The following GALNTL6 variants were observed in gnomAD, a reference collection of about 807,000 sequenced individuals.
GALNTL6 encodes polypeptide N-acetylgalactosaminyltransferase like 6.
GALNTL6 carries 46 observed loss-of-function variants against 73.7 expected under a neutral mutation model. The observed-to-expected ratio is 0.62, with a 90% CI of 0.49 to 0.80. The LOEUF is 0.80. Among genes scored for constraint, GALNTL6 ranks in the 30% least tolerant of loss-of-function variants. The pLI is 0.00. For missense variants in GALNTL6, 604 were observed against 755.0 expected (o/e 0.80, Z 2.34); for synonymous variants, 259 against 263.7 (o/e 0.98, Z 0.17).
chr4:172,633,655 T>C (rs920190100), intron 5 of GALNTL6, among the ~76,000 whole-genome samples: 2 of 152,164 alleles, frequency 1.3e-5, no homozygotes, highest in African/African-American at 4.8e-5. Context: ...GAAGGCATGA[T>C]TGGTTTTCGA....
intron 11 of GALNTL6, 64 bp from the exon 12 acceptor site, chr4:173,021,412 C>T (rs775205673): frequency 5.7e-5 from 88 of 1,532,950 alleles, no homozygotes; most frequent in Non-Finnish European, 7.3e-5. Context: ...TACCTTCCCC[C>T]GCCCTTGCAT....
chr4:172,956,182 C>T (rs1467682609), intron 10 of GALNTL6, among the ~76,000 whole-genome samples: 5 of 152,088 alleles, frequency 3.3e-5, no homozygotes, highest in South Asian at 2.1e-4. Flanking sequence ...AGGGCTGCTT[C>T]GAGCAGGATT....
intron 9 of GALNTL6, among the ~76,000 whole-genome samples, chr4:172,942,240 G>A (rs777189489): frequency 6.6e-6 from 1 of 152,132 alleles, no homozygotes; most frequent in Non-Finnish European, 1.5e-5. Context: ...CCTGTCATGG[G>A]CATTTAGAAA....
intron 8 of GALNTL6, among the ~76,000 whole-genome samples, chr4:172,915,884 T>C (rs1276028033): frequency 2.0e-5 from 3 of 152,220 alleles, no homozygotes; most frequent in Non-Finnish European, 4.4e-5. Context: ...GAATCTTCCC[T>C]AACTCATTTT....
rs144381362 is a variant in GALNTL6, at chr4:173,030,441, G to T, written c.1638+8816G>T. ...TTAACTGCCATTCTCTGATCACTCC[G>T]AAATAGAAAGGCTCTGTTACAACTC... On this transcript the variant is annotated intron_variant, in intron 12 of 12. Transcript: ENST00000506823. Among the ~76,000 whole-genome samples the T allele has an allele frequency of 7.7e-3, 1,177 of 152,134 alleles. 16 individuals carry two copies. The highest frequency in any genetic ancestry group is 0.027 in the African/African-American group (1,119 of 41,496).
chr4:172,679,426 A>G lies in GALNTL6; in HGVS notation c.554-129935A>G, dbSNP rs188267175. Among the ~76,000 whole-genome samples the G allele has an allele frequency of 4.3e-3, 653 of 151,026 alleles. 5 individuals are homozygous for G. The highest frequency in any genetic ancestry group is 0.015 in the African/African-American group (626 of 41,166). ...AACTCCATCTCAAAAAAAAAAAAAA[A>G]GTAAAAGCCATGCTAAATTTGTGGG... On this transcript the variant is annotated intron_variant, in intron 5 of 12. Transcript: ENST00000506823.
chr4:172,763,092 A>G (rs1214717306), intron 5 of GALNTL6, among the ~76,000 whole-genome samples: 1 of 152,164 alleles, frequency 6.6e-6, no homozygotes, highest in Non-Finnish European at 1.5e-5. Flanking sequence ...GTCATCATAC[A>G]TCCAGATAGA....
intron 5 of GALNTL6, among the ~76,000 whole-genome samples, chr4:172,715,377 G>A (rs946513647): frequency 2.6e-5 from 4 of 152,184 alleles, no homozygotes; most frequent in Non-Finnish European, 5.9e-5. Context: ...ATGTCTCTAT[G>A]TTTCCATTAA....
chr4:171,882,586 G>A (rs1736480904), intron 2 of GALNTL6, among the ~76,000 whole-genome samples: 1 of 152,126 alleles, frequency 6.6e-6, no homozygotes, highest in African/African-American at 2.4e-5. Context: ...AGAACCCCCG[G>A]GCAAACTACT....
At chr4:172,548,622 A>T (rs1735854512) in intron 5 of GALNTL6, among the ~76,000 whole-genome samples, 1 of 152,240 alleles carries the variant, frequency 6.6e-6, no homozygotes, top group Admixed American at 6.5e-5. Flanking sequence ...AACAAAAATC[A>T]AATCTAATGA....
intron 5 of GALNTL6, among the ~76,000 whole-genome samples, chr4:172,605,109 A>G (rs530242153): frequency 6.6e-6 from 1 of 152,348 alleles, no homozygotes; most frequent in South Asian, 2.1e-4. Flanking sequence ...AAAGCATTTT[A>G]TAGACAAAAT....
At chr4:171,987,802 G>T (rs1265096741) in intron 2 of GALNTL6, among the ~76,000 whole-genome samples, 1 of 152,134 alleles carries the variant, frequency 6.6e-6, no homozygotes, top group Non-Finnish European at 1.5e-5. Context: ...GCGTGATCAG[G>T]GTGAGGAACA....
chr4:172,090,800 T>C (rs545743106), intron 2 of GALNTL6, among the ~76,000 whole-genome samples: 1 of 152,294 alleles, frequency 6.6e-6, no homozygotes, highest in South Asian at 2.1e-4. Context: ...ATTGCCTAGA[T>C]TTTCTTCTAG....
intron 2 of GALNTL6, among the ~76,000 whole-genome samples, chr4:171,903,648 CAAGGAGG>C (rs1472213048): frequency 6.8e-6 from 1 of 146,426 alleles, no homozygotes; most frequent in Non-Finnish European, 1.5e-5. Context: ...CACCACAGCT[CAAGGAGG>C]CCTGCCTGCC....
At chr4:172,551,346 T>C (rs1381080825) in intron 5 of GALNTL6, among the ~76,000 whole-genome samples, 11 of 152,156 alleles carry the variant, frequency 7.2e-5, no homozygotes. Context: ...ATTGATTAGG[T>C]ACATGTAAAA....
chr4:172,743,245 A>G (rs1419691965), intron 5 of GALNTL6, among the ~76,000 whole-genome samples: 1 of 152,102 alleles, frequency 6.6e-6, no homozygotes, highest in Admixed American at 6.6e-5. Flanking sequence ...CAAGTAAAAG[A>G]GTAGCTTACA....
intron 5 of GALNTL6, among the ~76,000 whole-genome samples, chr4:172,401,594 A>T (rs1406632118): frequency 6.6e-6 from 1 of 152,118 alleles, no homozygotes; most frequent in African/African-American, 2.4e-5. Context: ...TTTTTAAAAA[A>T]TAACTTTGAA....
chr4:172,212,087 G>T (rs113588021), intron 2 of GALNTL6, among the ~76,000 whole-genome samples: 3,113 of 152,206 alleles, frequency 0.02, 64 homozygotes, highest in Middle Eastern at 0.065. Flanking sequence ...ACCCACTTCA[G>T]TGAGGTTGTT....
chr4:172,351,954 T>C (rs975793957), intron 5 of GALNTL6, among the ~76,000 whole-genome samples: 14 of 152,166 alleles, frequency 9.2e-5, no homozygotes, highest in Admixed American at 2.6e-4. Context: ...CCTTATATTT[T>C]ACATCCTCCA....
Sources: gnomAD v4.1 joint callset for allele counts (sites outside exome capture counted in the v4.1 genomes callset) on GRCh38, gnomAD v4.1.1 for gene constraint, MANE v1.5 for transcripts, NCBI Gene and HGNC (gene_info 2026-07-23, HGNC 2026-07-21) for gene names.